Variants in HS3ST5 observed in about 807,000 individuals in gnomAD.
HS3ST5 encodes heparan sulfate glucosamine 3-O-sulfotransferase 5.
In HS3ST5, 10 loss-of-function variants were observed where a neutral mutation model predicts 25.4. The observed-to-expected ratio is 0.39, with a 90% confidence interval of 0.24 to 0.67. The LOEUF (loss-of-function observed/expected upper bound fraction) is 0.67, where lower values mean the gene tolerates loss of function less well. Ranked by LOEUF, HS3ST5 falls within the 30% of genes least tolerant of loss-of-function variation. HS3ST5 has a pLI of 0.44. For synonymous variants in HS3ST5, 170 were observed against 162.4 expected, an observed-to-expected ratio of 1.05 and a Z score of -0.36; for missense variants, 324 against 420.7, an observed-to-expected ratio of 0.77 and a Z score of 2.01.
intron 1 of HS3ST5, among the ~76,000 whole-genome samples, chr6:114,320,558 CA>C (rs1775923955): frequency 6.6e-6 from 1 of 152,066 alleles, no homozygotes; most frequent in Admixed American, 6.6e-5. Context: ...TCACTATCTG[CA>C]CCCACTTCTC....
intron 1 of HS3ST5, among the ~76,000 whole-genome samples, chr6:114,271,852 C>G (rs2114703529): frequency 6.6e-6 from 1 of 152,180 alleles, no homozygotes; most frequent in East Asian, 1.9e-4. Flanking sequence ...ATTTTCCACT[C>G]TATGATTGCC....
chr6:114,264,408 T>C (rs1239421708), intron 1 of HS3ST5, among the ~76,000 whole-genome samples: 9 of 152,244 alleles, frequency 5.9e-5, no homozygotes, highest in Non-Finnish European at 1.3e-4. Context: ...AATGCAGAGT[T>C]ATTGCCCCCA....
chr6:114,175,101 C>T, intron 2 of HS3ST5, among the ~76,000 whole-genome samples: 1 of 152,152 alleles, frequency 6.6e-6, no homozygotes, highest in East Asian at 1.9e-4. Flanking sequence ...ATGGTAACAG[C>T]AAAGGTGTAT....
intron 1 of HS3ST5, among the ~76,000 whole-genome samples, chr6:114,229,956 C>T (rs145716742): frequency 2.2e-4 from 34 of 152,204 alleles, no homozygotes; most frequent in South Asian, 1.7e-3. Context: ...GTTGTCGTTT[C>T]TTGCTGATAG....
chr6:114,113,238 T>C (rs1207681189), intron 3 of HS3ST5, among the ~76,000 whole-genome samples: 2 of 152,194 alleles, frequency 1.3e-5, no homozygotes, highest in Non-Finnish European at 2.9e-5. Flanking sequence ...TCCACTGTTC[T>C]ATGGCCTTAG....
chr6:114,190,528 G>C (rs1241909930), intron 2 of HS3ST5, among the ~76,000 whole-genome samples: 1 of 152,140 alleles, frequency 6.6e-6, no homozygotes, highest in Non-Finnish European at 1.5e-5. Flanking sequence ...GGGTTGGAAG[G>C]TAGTTAAGGC....
intron 1 of HS3ST5, among the ~76,000 whole-genome samples, chr6:114,280,778 A>C (rs1479397715): frequency 6.6e-6 from 1 of 151,950 alleles, no homozygotes; most frequent in Non-Finnish European, 1.5e-5. Flanking sequence ...CTGCTTATTC[A>C]CGATTCAGCA....
chr6:114,243,158 A>G (rs1031398042), intron 1 of HS3ST5, among the ~76,000 whole-genome samples: 3 of 152,214 alleles, frequency 2.0e-5, no homozygotes, highest in Non-Finnish European at 4.4e-5. Flanking sequence ...TAAGATCATC[A>G]TAACTCCTCA....
At chr6:114,142,602 A>G (rs1173794530) in intron 3 of HS3ST5, among the ~76,000 whole-genome samples, 2 of 152,234 alleles carry the variant, frequency 1.3e-5, no homozygotes, top group African/African-American at 2.4e-5. Context: ...TATATAATCA[A>G]TAGATATAAT....
intron 1 of HS3ST5, among the ~76,000 whole-genome samples, chr6:114,332,694 T>C (rs1172872086): frequency 6.6e-6 from 1 of 152,090 alleles, no homozygotes; most frequent in Non-Finnish European, 1.5e-5. Flanking sequence ...CAATAGAGTA[T>C]GATCTGTACT....
intron 4 of HS3ST5, among the ~76,000 whole-genome samples, chr6:114,061,101 G>C (rs956490521): frequency 2.0e-5 from 3 of 152,100 alleles, no homozygotes; most frequent in Non-Finnish European, 4.4e-5. Flanking sequence ...CCAAATAAAA[G>C]CTATCCCCTT....
intron 1 of HS3ST5, among the ~76,000 whole-genome samples, chr6:114,334,721 T>G (rs1776539479): frequency 6.6e-6 from 1 of 152,216 alleles, no homozygotes; most frequent in African/African-American, 2.4e-5. Context: ...CAGGTTTGTA[T>G]AAGTACACTT....
chr6:114,242,790 T>A (rs971085934), intron 1 of HS3ST5, among the ~76,000 whole-genome samples: 1 of 151,168 alleles, frequency 6.6e-6, no homozygotes, highest in Non-Finnish European at 1.5e-5. Flanking sequence ...GAAGCGGAGC[T>A]TGCAGTGAGC....
chr6:114,128,440 A>G (rs1019792321), intron 3 of HS3ST5, among the ~76,000 whole-genome samples: 3 of 140,098 alleles, frequency 2.1e-5, no homozygotes, highest in African/African-American at 9.9e-5. Flanking sequence ...TTGCCTGTCT[A>G]CATGTCAGGC....
At position 114,270,999 on chromosome 6, in the gene HS3ST5, G is replaced by A. The variant is rs115635916; in HGVS notation, c.-338-42221C>T. 4.6e-3 allele frequency among the ~76,000 whole-genome samples: 692 copies of A among 151,834 alleles called. 6 individuals carry two copies. Among genetic ancestry groups the A allele is most frequent in the African/African-American group, 0.014 (563 of 41,406 alleles). ...TATTATAATAGGTTATCATAGAATC[G>A]TAGAATCAGAGGGGATCTTAGAGGC... On this transcript the variant is annotated intron_variant, in intron 1 of 4. Transcript: ENST00000312719.
chr6:114,090,590 T>C (rs963352819), intron 3 of HS3ST5, among the ~76,000 whole-genome samples: 1 of 152,222 alleles, frequency 6.6e-6, no homozygotes, highest in Non-Finnish European at 1.5e-5. Flanking sequence ...TTTTCAGTTT[T>C]AGGAAGCTTG....
chr6:114,328,902 G>C (rs945091408), intron 1 of HS3ST5, among the ~76,000 whole-genome samples: 2 of 152,148 alleles, frequency 1.3e-5, no homozygotes, highest in Non-Finnish European at 2.9e-5. Context: ...TTATTGTGAT[G>C]ATGTCTTATC....
Position 114,293,508 on chromosome 6 carries a change from C to T in HS3ST5, c.-339+48687G>A, listed in dbSNP as rs186909325. ...AGCTGCTGGGAATACATGAATTGCA[C>T]CTAAGACCAGTCCTGAGACTGTTGT... On this transcript the variant is annotated intron_variant, in intron 1 of 4. Transcript: ENST00000312719. Among the ~76,000 whole-genome samples the T allele has an allele frequency of 6.8e-4, 104 of 152,148 alleles. 1 individual carries two copies. Among genetic ancestry groups the T allele is most frequent in the South Asian group, 3.3e-3 (16 of 4,822 alleles).
intron 1 of HS3ST5, among the ~76,000 whole-genome samples, chr6:114,272,370 T>A (rs1319902668): frequency 6.6e-6 from 1 of 152,094 alleles, no homozygotes; most frequent in African/African-American, 2.4e-5. Context: ...TGTCTCTCAA[T>A]CCCCTCTAAC....
Sources: allele counts gnomAD v4.1 joint callset (sites outside exome capture counted in the v4.1 genomes callset), GRCh38; gene constraint gnomAD v4.1.1; transcripts MANE v1.5; gene names NCBI Gene and HGNC (gene_info 2026-07-23, HGNC 2026-07-21).